Variants in CLTC observed in about 807,000 individuals in gnomAD.
CLTC encodes the protein clathrin heavy chain 1.
A neutral mutation model predicts 195.8 loss-of-function variants in CLTC; 16 were observed. The observed-to-expected ratio is 0.08, with a 90% confidence interval of 0.06 to 0.12. The LOEUF (loss-of-function observed/expected upper bound fraction) is 0.12, where lower values mean the gene tolerates loss of function less well. CLTC is among the 10% of genes least tolerant of loss of function. CLTC has a pLI of 1.00. For synonymous variants in CLTC, 667 were observed against 689.4 expected, an observed-to-expected ratio of 0.97 and a Z score of 0.51; for missense variants, 796 against 2,027.0, an observed-to-expected ratio of 0.39 and a Z score of 11.66.
intron 30 of CLTC, chr17:59,689,845 A>C (rs1410383023): frequency 2.6e-5 from 4 of 152,208 alleles, no homozygotes; most frequent in Non-Finnish European, 4.4e-5. Flanking sequence ...GGGCCAGTGC[A>C]ATGGTTTGCC....
intron 6 of CLTC, among the ~76,000 whole-genome samples, chr17:59,657,727 C>T (rs1337871376): frequency 1.4e-5 from 2 of 146,014 alleles, no homozygotes; most frequent in African/African-American, 5.1e-5. Flanking sequence ...GAGATCGCGC[C>T]ACTGTACTCT....
At chr17:59,692,903 G>A (rs2033340492) in intron 31 of CLTC, among the ~76,000 whole-genome samples, 2 of 152,168 alleles carry the variant, frequency 1.3e-5, no homozygotes, top group African/African-American at 4.8e-5. Flanking sequence ...CTCCCACGGT[G>A]CTGGGATTAC....
intron 31 of CLTC, among the ~76,000 whole-genome samples, chr17:59,691,231 C>T (rs1567976590): frequency 6.6e-6 from 1 of 152,180 alleles, no homozygotes; most frequent in Non-Finnish European, 1.5e-5. Context: ...GTCTGAATTA[C>T]TGCTCCTTTC....
intron 1 of CLTC, among the ~76,000 whole-genome samples, chr17:59,640,722 A>G (rs917045046): frequency 1.3e-5 from 2 of 151,210 alleles, no homozygotes. Context: ...TTTTTTCCTC[A>G]CAATTAGGAA....
Position 59,663,886 on chromosome 17 carries a change from C to G in CLTC, c.1413C>G (p.Asp471Glu). ...TGGGTGATCTTGTGAAATCTGTGGACCCTACATTGGCACTTAGTGTGTACC... is the reference window on the plus strand; with the variant it reads ...TGGGTGATCTTGTGAAATCTGTGGAGCCTACATTGGCACTTAGTGTGTACC... ...EELGDLVKSV[D>E]PTLALSVYLR... Residue 471 changes from aspartate (D) to glutamate (E), a missense_variant, in exon 9 of 32, where the codon GAC (aspartate) becomes GAG (glutamate). Coordinates refer to ENST00000269122, the MANE Select transcript of CLTC (RefSeq NM_004859.4). 1 of 1,613,664 alleles carries G rather than the reference C, an allele frequency of 6.2e-7. No individual in the cohort carries two copies. The highest frequency in any genetic ancestry group is 8.5e-7 in the Non-Finnish European group (1 of 1,179,772).
At chr17:59,657,009 T>G (rs1297866661) in intron 6 of CLTC, among the ~76,000 whole-genome samples, 3 of 152,196 alleles carry the variant, frequency 2.0e-5, no homozygotes, top group Non-Finnish European at 4.4e-5. Flanking sequence ...CCAGGAGCTA[T>G]GTTAATTTTC....
rs749424905 is a variant in CLTC at position 59,668,914 on chromosome 17, C to T, written c.2266C>T (p.Pro756Ser). The T allele has an allele frequency of 1.2e-6, 2 of 1,610,092 alleles. No individual in the cohort carries two copies. The highest frequency in any genetic ancestry group is 2.7e-5 in the African/African-American group (2 of 74,630). The change falls in exon 14 of 32, where the codon CCT (proline) becomes TCT (serine). Residue 756 changes from proline to serine, a missense_variant. Pro to Ser is a moderately conservative substitution (Grantham distance 74). Around this residue, in one of 9 missense-constraint regions of CLTC, gnomAD observed 160 missense variants for 448.2 expected, o/e 0.36. Transcript: ENST00000269122. The part of the protein sequence containing the change: ...RICRESNCYD[P>S]ERVKNFLKEA... ...CTGTAGAGAAAGCAACTGCTACGAT[C>T]CTGAGCGAGTCAAGAATTTTCTTAA...
chr17:59,661,401 C>T (rs375413515), intron 7 of CLTC, 42 bp from the exon 8 acceptor site: 1 of 1,509,476 alleles, frequency 6.6e-7, no homozygotes, highest in South Asian at 1.1e-5. Flanking sequence ...ATTTCTCCTT[C>T]TTACACTTTC....
intron 31 of CLTC, among the ~76,000 whole-genome samples, chr17:59,692,928 G>A (rs557971076): frequency 1.8e-4 from 27 of 152,098 alleles, no homozygotes; most frequent in Non-Finnish European, 2.8e-4. Flanking sequence ...GTGAGCCACC[G>A]CGCCCGGCCC....
At chr17:59,635,006 C>T (rs890754829) in intron 1 of CLTC, among the ~76,000 whole-genome samples, 4 of 152,084 alleles carry the variant, frequency 2.6e-5, no homozygotes, top group Non-Finnish European at 5.9e-5. Context: ...GGAAGTTAAC[C>T]AAATCTTTAA....
At chr17:59,680,134 A>G (rs564980940) in intron 18 of CLTC, among the ~76,000 whole-genome samples, 1 of 152,292 alleles carries the variant, frequency 6.6e-6, no homozygotes, top group Admixed American at 6.5e-5. Context: ...TCATAGTTTA[A>G]AAGGAAAATA....
At chr17:59,691,650 C>CATAT (rs1269957302) in intron 31 of CLTC, among the ~76,000 whole-genome samples, 5 of 140,640 alleles carry the variant, frequency 3.6e-5, no homozygotes, top group East Asian at 4.3e-4. Context: ...TATATATATA[C>CATAT]ATATATATAT....
rs1263146387 is a variant in CLTC at position 59,695,077 on chromosome 17, T to TA, written c.*1226dup. The TA allele has an allele frequency of 2.9e-5, 6 of 206,310 alleles. No individual in the cohort carries two copies. Among genetic ancestry groups the TA allele is most frequent in the Non-Finnish European group, 5.9e-5 (6 of 100,934 alleles). The allele number at this position is 206,310 out of a possible 1,614,324, so 12.8% of individuals were successfully genotyped here. On this transcript the variant is annotated 3_prime_UTR_variant, in exon 32 of 32. Transcript: ENST00000269122. The stretch of plus-strand genomic sequence containing the variant: ...ACTTAAATGAACAAATCATGGCTGT[T>TA]ATATTAACTTGAAATAAAATATATT...
Position 59,648,978 on chromosome 17 carries a change from C to T in CLTC, c.681+577C>T, listed in dbSNP as rs935974093. On this transcript the variant is annotated intron_variant, in intron 4 of 31. Coordinates refer to ENST00000269122, the MANE Select transcript of CLTC (RefSeq NM_004859.4). The surrounding 1 kb of genome is among the most constrained non-coding windows in gnomAD (Gnocchi z 4.5). ...CCAATATAATCTGCATTTTAAATACCTTATATGGCTTGATATAGAGGCAAT... is the reference window on the plus strand; with the variant it reads ...CCAATATAATCTGCATTTTAAATACTTTATATGGCTTGATATAGAGGCAAT... 6.6e-6 allele frequency among the ~76,000 whole-genome samples: 1 copy of T among 152,148 alleles called. No individual in the cohort carries two copies. Among genetic ancestry groups the T allele is most frequent in the Non-Finnish European group, 1.5e-5 (1 of 68,022 alleles).
rs138224155 is a variant in CLTC, at chr17:59,664,744, A to G, written c.1522-43A>G. ...AGAAAAAGTCTTTAAATGCTATAAA[A>G]TTGAAACTTAGGAGCAGCGTTTAAG... On this transcript the variant is annotated intron_variant, in intron 9 of 31. Transcript: ENST00000269122. 8.7e-5 allele frequency: 138 copies of G among 1,590,828 alleles called. 1 individual carries two copies. The African/African-American group carries it at 1.5e-3, about 17-fold the overall frequency.
At position 59,682,179 on chromosome 17, in the gene CLTC, G is replaced by A. The variant is rs774573452; in HGVS notation, c.3443-92G>A. ...CATTTGTCATTATCCATGTTTCCTT[G>A]AAAAGGAAATGAATGCAATTTTCAT... On this transcript the variant is annotated intron_variant, in intron 21 of 31. Coordinates refer to ENST00000269122, the MANE Select transcript of CLTC (RefSeq NM_004859.4). This position sits in a 1 kb window ranked among gnomAD's most constrained non-coding sequence, Gnocchi z 6.8. 8.9e-6 allele frequency: 11 copies of A among 1,230,850 alleles called. No individual in the cohort carries two copies. The highest frequency in any genetic ancestry group is 1.5e-5 in the African/African-American group (1 of 66,054). 76.2% of individuals were successfully genotyped at this position (1,230,850 alleles called of 1,614,324 possible).
chr17:59,639,106 G>A (rs2031955595), intron 1 of CLTC, among the ~76,000 whole-genome samples: 1 of 152,200 alleles, frequency 6.6e-6, no homozygotes, highest in Non-Finnish European at 1.5e-5. Context: ...AACCAAATGA[G>A]TTACAAAGTT....
intron 16 of CLTC, among the ~76,000 whole-genome samples, chr17:59,676,704 A>C (rs2143579840): frequency 6.6e-6 from 1 of 152,232 alleles, no homozygotes; most frequent in East Asian, 1.9e-4. Flanking sequence ...AGTGGCTTGC[A>C]CCTATAGTAC....
rs2033378787 is a variant in CLTC at position 59,694,503 on chromosome 17, A to G, written c.*651A>G. ...AATGCTAGTATGTTTTGCTCACTTC[A>G]TATGTAACAGGTGCCCTTATGTTGT... On this transcript the variant is annotated 3_prime_UTR_variant, in exon 32 of 32. Coordinates refer to ENST00000269122, the MANE Select transcript of CLTC (RefSeq NM_004859.4). 3 of 226,692 alleles carry G rather than the reference A, an allele frequency of 1.3e-5. No individual in the cohort carries two copies. The highest frequency in any genetic ancestry group is 1.8e-4 in the South Asian group (1 of 5,480). The allele number at this position is 226,692 out of a possible 1,614,324, so 14.0% of individuals were successfully genotyped here.
Sources: allele counts gnomAD v4.1 joint callset (sites outside exome capture counted in the v4.1 genomes callset), GRCh38; gene constraint gnomAD v4.1.1; regional missense constraint gnomAD v4.1.1; non-coding constraint Gnocchi (gnomAD v3.1); transcripts MANE v1.5; gene names NCBI Gene and HGNC (gene_info 2026-07-23, HGNC 2026-07-21).